The following RBMS3 variants were observed in gnomAD, a reference collection of about 807,000 sequenced individuals.
RBMS3 encodes RNA-binding motif, single-stranded-interacting protein 3.
RBMS3 carries 27 observed loss-of-function variants against 66.8 expected under a neutral mutation model. That is an observed-to-expected ratio of 0.40 (90% confidence interval 0.30 to 0.56). RBMS3 has a LOEUF of 0.56. RBMS3 is among the 20% of genes least tolerant of loss of function. The probability of loss-of-function intolerance (pLI) is 0.40; values close to 1 mark genes in which losing one functional copy is unlikely to be tolerated. For missense variants in RBMS3, 513 were observed against 549.5 expected, an observed-to-expected ratio of 0.93 and a Z score of 0.66; for synonymous variants, 188 against 183.0, an observed-to-expected ratio of 1.03 and a Z score of -0.22.
Position 29,883,337 on chromosome 3 carries a change from G to C in RBMS3, c.745-825G>C, listed in dbSNP as rs367960881. Among the ~76,000 whole-genome samples the C allele has an allele frequency of 8.5e-5, 13 of 152,064 alleles. No homozygotes were observed. In the East Asian group the frequency reaches 1.9e-3, roughly 23 times the overall value. ...CCTCCAAATGTGTGACCTTGAGCAA[G>C]TCACTTGACCTTTCCAAGCTTCAGT... On this transcript the variant is annotated intron_variant, in intron 7 of 14. Coordinates refer to ENST00000383767, the MANE Select transcript of RBMS3 (RefSeq NM_001003793.3).
rs1284280027 is a variant in RBMS3, at chr3:29,592,491, T to C, written c.399+5286T>C. Among the ~76,000 whole-genome samples the C allele has an allele frequency of 3.3e-5, 5 of 152,226 alleles. No homozygotes were observed. The East Asian group carries it at 5.8e-4, about 18-fold the overall frequency. ...TCACACCAGTTAGAATGGCAATTAT[T>C]AAAAAGTCAGGAAACAACAGGTGCT... On this transcript the variant is annotated intron_variant, in intron 4 of 14. Coordinates refer to ENST00000383767, the MANE Select transcript of RBMS3 (RefSeq NM_001003793.3).
chr3:29,424,632 A>C (rs967948001), intron 1 of RBMS3, among the ~76,000 whole-genome samples: 35 of 152,186 alleles, frequency 2.3e-4, no homozygotes, highest in African/African-American at 8.0e-4. Context: ...ACTTTCAGAA[A>C]AGCAAAGTTC....
chr3:29,761,315 A>G (rs1384729039), intron 5 of RBMS3, among the ~76,000 whole-genome samples: 2 of 152,158 alleles, frequency 1.3e-5, no homozygotes, highest in African/African-American at 2.4e-5. Context: ...GAGAATAATT[A>G]TAGCTCAAAA....
At chr3:29,290,121 C>T (rs2032695860) in intron 1 of RBMS3, among the ~76,000 whole-genome samples, 2 of 151,920 alleles carry the variant, frequency 1.3e-5, no homozygotes, top group South Asian at 2.1e-4. Flanking sequence ...ATATTTGAGG[C>T]TATTGTCGAT....
intron 2 of RBMS3, among the ~76,000 whole-genome samples, chr3:29,439,041 G>T (rs2041508902): frequency 6.6e-6 from 1 of 152,254 alleles, no homozygotes; most frequent in African/African-American, 2.4e-5. Flanking sequence ...AAAAGTGGAA[G>T]AGCAGCCAGG....
intron 1 of RBMS3, among the ~76,000 whole-genome samples, chr3:29,397,706 G>A (rs914151142): frequency 1.3e-5 from 2 of 151,826 alleles, no homozygotes; most frequent in Admixed American, 6.6e-5. Context: ...CAGCTCTTCT[G>A]TTCTAAACTC....
intron 4 of RBMS3, among the ~76,000 whole-genome samples, chr3:29,702,616 C>T (rs925833098): frequency 2.0e-5 from 3 of 152,162 alleles, no homozygotes; most frequent in Non-Finnish European, 2.9e-5. Context: ...TTCCTGAGGC[C>T]AGCGAGACCA....
intron 2 of RBMS3, among the ~76,000 whole-genome samples, chr3:29,435,343 C>T (rs1288834805): frequency 1.3e-5 from 2 of 152,104 alleles, no homozygotes; most frequent in Non-Finnish European, 2.9e-5. Context: ...CTTTTCTGGC[C>T]AGTGCTTGGT....
chr3:29,936,724 C>T (rs1410468490), intron 11 of RBMS3, among the ~76,000 whole-genome samples: 1 of 152,036 alleles, frequency 6.6e-6, no homozygotes, highest in Non-Finnish European at 1.5e-5. Flanking sequence ...ACCTAATGTG[C>T]TTGATTTTTT....
intron 1 of RBMS3, among the ~76,000 whole-genome samples, chr3:29,368,121 A>G (rs951736832): frequency 6.6e-6 from 1 of 152,224 alleles, no homozygotes; most frequent in African/African-American, 2.4e-5. Context: ...GATATGGGAT[A>G]CTTATGTGGC....
At chr3:29,994,942 A>G (rs969503067) in intron 14 of RBMS3, among the ~76,000 whole-genome samples, 1 of 152,236 alleles carries the variant, frequency 6.6e-6, no homozygotes, top group African/African-American at 2.4e-5. Context: ...TGACGAGCTG[A>G]GAGAAGAAGG....
chr3:29,443,370 T>G (rs1311268377), intron 2 of RBMS3, among the ~76,000 whole-genome samples: 2 of 152,050 alleles, frequency 1.3e-5, no homozygotes, highest in African/African-American at 4.8e-5. Flanking sequence ...GATTGGTAAG[T>G]TTTTCCATAT....
intron 6 of RBMS3, among the ~76,000 whole-genome samples, chr3:29,853,876 T>C (rs1022677346): frequency 6.6e-6 from 1 of 152,126 alleles, no homozygotes; most frequent in African/African-American, 2.4e-5. Flanking sequence ...TACTTGCTAG[T>C]TCCTGCCAGG....
chr3:29,514,965 A>G (rs2044566831), intron 3 of RBMS3, among the ~76,000 whole-genome samples: 2 of 152,084 alleles, frequency 1.3e-5, no homozygotes, highest in Non-Finnish European at 2.9e-5. Context: ...CGTTACCAGC[A>G]TTTCACAGAT....
intron 1 of RBMS3, among the ~76,000 whole-genome samples, chr3:29,417,213 G>T (rs368357112): frequency 6.6e-6 from 1 of 151,394 alleles, no homozygotes. Context: ...TTGAAATTTC[G>T]TTTTTATTCT....
intron 1 of RBMS3, among the ~76,000 whole-genome samples, chr3:29,380,237 C>CAT (rs398071796): frequency 6.7e-6 from 1 of 149,002 alleles, no homozygotes; most frequent in Non-Finnish European, 1.5e-5. Context: ...CACACACACA[C>CAT]GTACATCTAT....
At chr3:29,564,300 A>G (rs1453052610) in intron 3 of RBMS3, among the ~76,000 whole-genome samples, 5 of 151,998 alleles carry the variant, frequency 3.3e-5, no homozygotes, top group Admixed American at 3.3e-4. Context: ...AACATAGTGA[A>G]ACATGTCTCC....
chr3:29,321,498 T>C (rs983645224), intron 1 of RBMS3, among the ~76,000 whole-genome samples: 2 of 152,130 alleles, frequency 1.3e-5, no homozygotes, highest in African/African-American at 4.8e-5. Context: ...TTCTAAAGGA[T>C]GAGATAAGAA....
chr3:29,742,014 A>G (rs2054670471), intron 5 of RBMS3, among the ~76,000 whole-genome samples: 1 of 152,172 alleles, frequency 6.6e-6, no homozygotes, highest in South Asian at 2.1e-4. Context: ...GGACTTCAAC[A>G]TATGAGTTTT....
Sources: allele counts gnomAD v4.1 joint callset (sites outside exome capture counted in the v4.1 genomes callset), GRCh38; gene constraint gnomAD v4.1.1; transcripts MANE v1.5; gene names NCBI Gene and HGNC (gene_info 2026-07-23, HGNC 2026-07-21).